BCOR: variants seen among roughly 807,000 people sequenced by gnomAD.
BCOR encodes the protein BCL6 corepressor.
A neutral mutation model predicts 86.7 loss-of-function variants in BCOR; 10 were observed. The observed-to-expected ratio is 0.12, with a 90% CI of 0.07 to 0.20. The LOEUF is 0.20. BCOR is among the 10% of genes least tolerant of loss of function. The pLI, the probability that BCOR is intolerant of heterozygous loss-of-function variation, is 1.00. For synonymous variants in BCOR, 611 were observed against 609.0 expected (o/e 1.00, Z -0.05); for missense variants, 1,259 against 1,452.1 (o/e 0.87, Z 2.16).
At chrX:40,112,754 TG>T (rs898871279) in intron 1 of BCOR, among the ~76,000 whole-genome samples, 3 of 111,649 alleles carry the variant, frequency 2.7e-5, no homozygotes, top group African/African-American at 9.8e-5. Flanking sequence ...TACAAATATT[TG>T]GGGGCATTTA....
chrX:40,085,155 G>A (rs533841497), intron 1 of BCOR, among the ~76,000 whole-genome samples: 3 of 113,149 alleles, frequency 2.7e-5, no homozygotes, highest in Admixed American at 9.3e-5. Context: ...GCTGGCAGAC[G>A]CGCAAATGAG....
intron 1 of BCOR, among the ~76,000 whole-genome samples, chrX:40,094,631 C>A (rs1419465917): frequency 1.8e-5 from 2 of 113,373 alleles, no homozygotes; most frequent in African/African-American, 6.4e-5. Context: ...CGGGGAGGAG[C>A]AGCCAGGCAG....
rs1341672396 is a variant in BCOR, at chrX:40,073,484, T to C, written c.1862A>G (p.Asn621Ser). 1 of 1,212,404 alleles carries C rather than the reference T, an allele frequency of 8.2e-7. No homozygotes were observed. The highest frequency in any genetic ancestry group is 2.2e-5 in the Admixed American group (1 of 46,166). The change falls in exon 4 of 15, where the codon AAC (asparagine) becomes AGC (serine). Residue 621 changes from asparagine to serine, a missense_variant. By Grantham distance (46) the Asn-to-Ser change is conservative (BLOSUM62 1). This residue lies in a region of BCOR where 534 missense variants were observed against 594.8 expected (regional missense o/e 0.90). Transcript: ENST00000378444. ...STSSKGAKAS[N>S]PEPSFKANEN... Reference sequence around the variant, plus strand: ...GTTTGCTTTGAAACTCGGTTCTGGGTTGCTGGCTTTGGCGCCCTTGCTGCT... The same window carrying C: ...GTTTGCTTTGAAACTCGGTTCTGGGCTGCTGGCTTTGGCGCCCTTGCTGCT...
intron 1 of BCOR, among the ~76,000 whole-genome samples, chrX:40,163,793 G>T (rs1938464210): frequency 9.0e-6 from 1 of 110,780 alleles, no homozygotes; most frequent in African/African-American, 3.3e-5. Context: ...GGAGGCCGAG[G>T]CAGGCAGATC....
intron 10 of BCOR, 51 bp downstream of exon 10, chrX:40,062,088 C>A (rs770222858): frequency 1.7e-6 from 2 of 1,169,490 alleles, no homozygotes; most frequent in South Asian, 3.8e-5. Context: ...CCACAGTCCG[C>A]AGGCCCCGCC....
intron 1 of BCOR, among the ~76,000 whole-genome samples, chrX:40,095,374 AT>A (rs1439602041): frequency 9.0e-6 from 1 of 111,207 alleles, no homozygotes; most frequent in East Asian, 2.8e-4. Context: ...GTAAGGATTG[AT>A]TTCGGCCCGC....
intron 1 of BCOR, among the ~76,000 whole-genome samples, chrX:40,160,981 AT>A (rs757432695): frequency 0.036 from 3,385 of 93,884 alleles, 104 homozygotes; most frequent in African/African-American, 0.095. Flanking sequence ...GGCCTTTTTT[AT>A]TTTTTTTTTT....
At chrX:40,147,027 G>A (rs760693200) in intron 1 of BCOR, among the ~76,000 whole-genome samples, 1 of 111,574 alleles carries the variant, frequency 9.0e-6, no homozygotes, top group Non-Finnish European at 1.9e-5. Flanking sequence ...CACCTGCTCG[G>A]CCGCCTGGGG....
At position 40,055,419 on chromosome X, in the gene BCOR, T is replaced by C; in HGVS notation, c.4690A>G (p.Arg1564Gly). 1 of 1,210,807 alleles carries C rather than the reference T, an allele frequency of 8.3e-7. No individual in the cohort carries two copies. Among genetic ancestry groups the C allele is most frequent in the Non-Finnish European group, 1.1e-6 (1 of 894,312 alleles). ...ADPTLATYSG[R>G]TIMKMTHSEL... is the part of the protein sequence containing the mutation. ...CTGTGGGTCATTTTCATGATGGTTC[T>C]ACCTGAGTACGTAGCCAAGGTGGGG... Residue 1564 changes from arginine (R) to glycine (G), a missense_variant, in exon 12 of 15, where the codon AGA (arginine) becomes GGA (glycine). Transcript: ENST00000378444.
At chrX:40,124,732 C>T (rs1239751836) in intron 1 of BCOR, among the ~76,000 whole-genome samples, 1 of 109,644 alleles carries the variant, frequency 9.1e-6, no homozygotes, top group Non-Finnish European at 1.9e-5. Flanking sequence ...TCTCCCGAGT[C>T]GCTGGGACTA....
chrX:40,152,345 A>G (rs1438866293), intron 1 of BCOR, among the ~76,000 whole-genome samples: 2 of 110,818 alleles, frequency 1.8e-5, no homozygotes, highest in Admixed American at 9.4e-5. Flanking sequence ...GGGGAGGGGT[A>G]TGTGGGCCGA....
intron 1 of BCOR, among the ~76,000 whole-genome samples, chrX:40,117,722 C>G (rs1301936419): frequency 4.5e-5 from 5 of 110,659 alleles, no homozygotes; most frequent in Non-Finnish European, 7.6e-5. Context: ...ACACTCGATC[C>G]CCTTTCTAAT....
intron 1 of BCOR, among the ~76,000 whole-genome samples, chrX:40,094,991 C>T (rs1037126554): frequency 8.9e-6 from 1 of 112,366 alleles, no homozygotes; most frequent in Non-Finnish European, 1.9e-5. Context: ...TGGGGCCAGC[C>T]GAGCCCCAGC....
At chrX:40,123,167 A>G (rs1411210367) in intron 1 of BCOR, among the ~76,000 whole-genome samples, 1 of 110,900 alleles carries the variant, frequency 9.0e-6, no homozygotes, top group Admixed American at 9.7e-5. Context: ...CTGCTAGGTG[A>G]ATTCCCCTTC....
intron 1 of BCOR, among the ~76,000 whole-genome samples, chrX:40,092,632 C>G (rs955183873): frequency 4.5e-5 from 5 of 111,438 alleles, no homozygotes; most frequent in Non-Finnish European, 7.5e-5. Context: ...AAAGCTACCC[C>G]TCTTGTGGCT....
chrX:40,100,221 G>A (rs1937045045), upstream of BCOR, among the ~76,000 whole-genome samples: 1 of 112,829 alleles, frequency 8.9e-6, no homozygotes, highest in Non-Finnish European at 1.9e-5. Context: ...TAACCGGGAA[G>A]GCTGAAGCTG....
chrX:40,168,676 G>A (rs1938555804), intron 1 of BCOR, among the ~76,000 whole-genome samples: 1 of 112,822 alleles, frequency 8.9e-6, no homozygotes, highest in African/African-American at 3.2e-5. Flanking sequence ...GGGCTGCCTG[G>A]AGGAGACGCC....
intron 9 of BCOR, 59 bp from the exon 10 acceptor site, chrX:40,062,452 T>C: frequency 8.6e-7 from 1 of 1,163,050 alleles, no homozygotes; most frequent in East Asian, 3.1e-5. Flanking sequence ...CAGCCGCTGC[T>C]TCCCCTCCTC....
chrX:40,104,626 C>A (rs1937135341), intron 1 of BCOR, among the ~76,000 whole-genome samples: 1 of 111,252 alleles, frequency 9.0e-6, no homozygotes, highest in Non-Finnish European at 1.9e-5. Context: ...CCACCCCCTG[C>A]CCCCGACCGG....
Sources: gnomAD v4.1 joint callset for allele counts (sites outside exome capture counted in the v4.1 genomes callset) on GRCh38, gnomAD v4.1.1 for gene constraint, gnomAD v4.1.1 regional missense constraint, MANE v1.5 for transcripts, NCBI Gene and HGNC (gene_info 2026-07-23, HGNC 2026-07-21) for gene names.